The following KIAA0232 variants were observed in gnomAD, a reference collection of about 807,000 sequenced individuals.
KIAA0232 encodes KIAA0232.
A neutral mutation model predicts 122.0 loss-of-function variants in KIAA0232; 27 were observed. That is an observed-to-expected ratio of 0.22 (90% CI 0.16 to 0.31). The LOEUF (loss-of-function observed/expected upper bound fraction) is 0.31. KIAA0232 is among the 10% of genes least tolerant of loss of function. The pLI is 1.00. For missense variants in KIAA0232, 1,551 were observed against 1,634.2 expected (o/e 0.95, Z 0.88); for synonymous variants, 613 against 587.6 (o/e 1.04, Z -0.63).
Position 6,881,269 on chromosome 4 carries a change from G to A in KIAA0232, c.*303G>A. On this transcript the variant is annotated 3_prime_UTR_variant, in exon 10 of 10. Coordinates refer to ENST00000307659, the MANE Select transcript of KIAA0232 (RefSeq NM_014743.3). ...TATCACTGCTTTTTGCATCTTAACT[G>A]CAGTTAATTTTCCTTCCGACTGCGG... The A allele has an allele frequency of 4.5e-6, 1 of 224,278 alleles. No homozygotes were observed. The highest frequency in any genetic ancestry group is 8.7e-6 in the Non-Finnish European group (1 of 115,494). 13.9% of individuals were successfully genotyped at this position (224,278 alleles called of 1,614,324 possible). A position where few individuals can be genotyped will look rare whatever the true frequency, so the allele number is the denominator to read the frequency against.
chr4:6,846,460 T>C (rs1420591896), intron 4 of KIAA0232, among the ~76,000 whole-genome samples: 1 of 152,088 alleles, frequency 6.6e-6, no homozygotes, highest in Non-Finnish European at 1.5e-5. Context: ...ACAAACCCTA[T>C]TGTGGACTGA....
At chr4:6,876,597 A>G (rs1180881858) in intron 8 of KIAA0232, 63 bp from the exon 9 acceptor site, 16 of 1,097,618 alleles carry the variant, frequency 1.5e-5, no homozygotes, top group Non-Finnish European at 2.2e-5. Context: ...TATGTTTCAT[A>G]ACTGTGTCTT....
intron 2 of KIAA0232, among the ~76,000 whole-genome samples, chr4:6,804,970 G>A (rs1028627860): frequency 7.3e-6 from 1 of 137,586 alleles, no homozygotes; most frequent in African/African-American, 2.8e-5. Flanking sequence ...TGGAGGTTCC[G>A]GGTGCATATT....
At chr4:6,812,309 G>A (rs1717915769) in intron 2 of KIAA0232, among the ~76,000 whole-genome samples, 1 of 152,178 alleles carries the variant, frequency 6.6e-6, no homozygotes, top group Non-Finnish European at 1.5e-5. Flanking sequence ...AGGCTGTTGA[G>A]CACTTGAACT....
In KIAA0232 at chr4:6,861,343, G is replaced by C; in HGVS notation, c.961G>C (p.Glu321Gln). 6.2e-7 allele frequency: 1 copy of C among 1,614,136 alleles called. No individual in the cohort carries two copies. Among genetic ancestry groups the C allele is most frequent in the Non-Finnish European group, 8.5e-7 (1 of 1,180,030 alleles). The change falls in exon 7 of 10, where the codon GAG (glutamate) becomes CAG (glutamine). Residue 321 changes from glutamate to glutamine, a missense_variant. Physicochemically the swap from Glu to Gln is conservative, Grantham distance 29. Around this residue, in one of 5 missense-constraint regions of KIAA0232, gnomAD observed 377 missense variants for 381.7 expected, o/e 0.99. Transcript: ENST00000307659. ...KYVKVRHKAR[E>Q]IRNKKGRNGQ... ...TGTTAAAGTAAGACACAAGGCACGA[G>C]AGATTCGAAACAAAAAAGGGCGGAA...
chr4:6,851,357 A>G (rs2108767680), intron 4 of KIAA0232, among the ~76,000 whole-genome samples: 1 of 152,342 alleles, frequency 6.6e-6, no homozygotes, highest in South Asian at 2.1e-4. Flanking sequence ...TCTAAAGGGA[A>G]AAGAAACTGC....
At chr4:6,821,438 A>G (rs1423206463) in intron 2 of KIAA0232, among the ~76,000 whole-genome samples, 1 of 151,892 alleles carries the variant, frequency 6.6e-6, no homozygotes, top group African/African-American at 2.4e-5. Context: ...GCATCCTCAT[A>G]GCTTAGCTCC....
intron 9 of KIAA0232, among the ~76,000 whole-genome samples, chr4:6,878,465 A>C (rs1721875624): frequency 6.6e-6 from 1 of 152,194 alleles, no homozygotes; most frequent in Non-Finnish European, 1.5e-5. Flanking sequence ...ACAAAAAATA[A>C]AATGAGATTT....
At position 6,803,412 on chromosome 4, in the gene KIAA0232, T is replaced by G. The variant is rs562368698; in HGVS notation, c.-353-1111T>G. Among the ~76,000 whole-genome samples the G allele has an allele frequency of 4.1e-4, 62 of 152,270 alleles. 1 individual carries two copies. In the South Asian group the frequency reaches 0.011, roughly 26 times the overall value. On this transcript the variant is annotated intron_variant, in intron 1 of 9. Transcript: ENST00000307659. ...ATGCCAAACATTGAAACATGAATGTTCAAGGGTCTGTCACACAGCTCTCAA... is the reference window on the plus strand; with the variant it reads ...ATGCCAAACATTGAAACATGAATGTGCAAGGGTCTGTCACACAGCTCTCAA...
chr4:6,864,306 C>T (rs1280731836), intron 7 of KIAA0232, 123 bp downstream of exon 7: 7 of 1,101,252 alleles, frequency 6.4e-6, no homozygotes, highest in Non-Finnish European at 9.0e-6. Context: ...TGTCTTAAAA[C>T]TTAAATTGTT....
In KIAA0232 at chr4:6,857,217, T is replaced by A. The variant is rs748775394; in HGVS notation, c.423T>A (p.Leu141=). The A allele has an allele frequency of 3.8e-5, 61 of 1,612,350 alleles. No homozygotes were observed. The highest frequency in any genetic ancestry group is 4.9e-5 in the Non-Finnish European group (58 of 1,179,144). The change falls in exon 5 of 10, where the codon CTT becomes CTA. Residue 141 remains leucine, a synonymous_variant. Transcript: ENST00000307659. ...AGCTCTGCTCCAGACTGAAAGACCT[T>A]CAGAGTAAGCAAGGTGAGGTCAAAA... ...VEELCSRLKD[L]QSKQEEKIHK...
chr4:6,818,399 C>CAAA lies in KIAA0232; in HGVS notation c.-269-5769_-269-5767dup, dbSNP rs34255308. On this transcript the variant is annotated intron_variant, in intron 2 of 9. Transcript: ENST00000307659. Reference sequence around the variant, plus strand: ...TGGGCAACAGAGCAAGACTCCGTCTCAAAAAAAAAAAAAAAAAAAGAATAC... The same window carrying CAAA: ...TGGGCAACAGAGCAAGACTCCGTCTCAAAAAAAAAAAAAAAAAAAAAAGAATAC... Among the ~76,000 whole-genome samples, 29 of 81,900 alleles carry CAAA rather than the reference C, an allele frequency of 3.5e-4. 1 individual carries two copies. The East Asian group carries it at 8.4e-3, about 24-fold the overall frequency. The allele number at this position is 81,900 out of a possible 152,430, so 53.7% of individuals were successfully genotyped here.
At chr4:6,795,173 C>A (rs1178240004) in intron 1 of KIAA0232, among the ~76,000 whole-genome samples, 1 of 152,158 alleles carries the variant, frequency 6.6e-6, no homozygotes, top group Non-Finnish European at 1.5e-5. Flanking sequence ...CGGGTTCATG[C>A]CATTCTCTTG....
At chr4:6,811,747 ATTTTTTT>A (rs10709832) in intron 2 of KIAA0232, among the ~76,000 whole-genome samples, 27 of 103,894 alleles carry the variant, frequency 2.6e-4, no homozygotes, top group African/African-American at 6.4e-4. Context: ...GCCTGGCCTA[ATTTTTTT>A]TTTTTTTTTT....
chr4:6,870,756 C>A (rs1489881681), intron 7 of KIAA0232, among the ~76,000 whole-genome samples: 1 of 150,692 alleles, frequency 6.6e-6, no homozygotes, highest in Non-Finnish European at 1.5e-5. Flanking sequence ...GAGCTGAGAT[C>A]GTGCCACTGC....
Position 6,801,005 on chromosome 4 carries a change from G to T in KIAA0232, c.-353-3518G>T, listed in dbSNP as rs150191798. 7.9e-5 allele frequency among the ~76,000 whole-genome samples: 12 copies of T among 152,284 alleles called. No homozygotes were observed. In the East Asian group the frequency reaches 2.3e-3, roughly 29 times the overall value. ...ATATAGACAGAGTTCTTGATAATTTGGTCATAGGATAATTTGTAATTTTCT... is the reference window on the plus strand; with the variant it reads ...ATATAGACAGAGTTCTTGATAATTTTGTCATAGGATAATTTGTAATTTTCT... On this transcript the variant is annotated intron_variant, in intron 1 of 9. Transcript: ENST00000307659.
chr4:6,852,639 A>T (rs548173691), intron 4 of KIAA0232, among the ~76,000 whole-genome samples: 58 of 152,326 alleles, frequency 3.8e-4, no homozygotes, highest in African/African-American at 1.3e-3. Flanking sequence ...TTATTGCTAC[A>T]TGACTAAGTA....
At chr4:6,814,348 A>G (rs1718019674) in intron 2 of KIAA0232, among the ~76,000 whole-genome samples, 2 of 151,840 alleles carry the variant, frequency 1.3e-5, no homozygotes, top group Non-Finnish European at 2.9e-5. Context: ...GAACTAGATT[A>G]TTATAAATGA....
Position 6,863,230 on chromosome 4 carries a change from C to G in KIAA0232, c.2848C>G (p.Pro950Ala). 6.2e-7 allele frequency: 1 copy of G among 1,613,920 alleles called. No individual in the cohort carries two copies. ...FNSDGEWAVV[P>A]PSHTKGSLLQ... is the part of the protein sequence containing the mutation. ...TAGTGATGGGGAGTGGGCAGTCGTA[C>G]CACCTAGTCACACAAAAGGAAGTCT... The change falls in exon 7 of 10, where the codon CCA (proline) becomes GCA (alanine). Residue 950 changes from proline (P) to alanine (A), a missense_variant. Pro to Ala is a conservative substitution (Grantham distance 27). Coordinates refer to ENST00000307659, the MANE Select transcript of KIAA0232 (RefSeq NM_014743.3).
Sources: gnomAD v4.1 joint callset for allele counts (sites outside exome capture counted in the v4.1 genomes callset) on GRCh38, gnomAD v4.1.1 for gene constraint, gnomAD v4.1.1 regional missense constraint, MANE v1.5 for transcripts, NCBI Gene and HGNC (gene_info 2026-07-23, HGNC 2026-07-21) for gene names.